Variants in EIF3L observed in about 807,000 individuals in gnomAD.
The protein encoded by EIF3L is eukaryotic translation initiation factor 3 subunit L, also known as eIEF associated protein HSPC021.
In EIF3L, 32 loss-of-function variants were observed where a neutral mutation model predicts 74.6. That is an observed-to-expected ratio of 0.43 (90% CI 0.32 to 0.58). The LOEUF (loss-of-function observed/expected upper bound fraction) is 0.58, where lower values mean the gene tolerates loss of function less well. EIF3L is among the 20% of genes least tolerant of loss of function. The pLI is 0.06. For missense variants in EIF3L, 474 were observed against 707.8 expected, an observed-to-expected ratio of 0.67 and a Z score of 3.75; for synonymous variants, 256 against 254.4, an observed-to-expected ratio of 1.01 and a Z score of -0.06.
intron 8 of EIF3L, among the ~76,000 whole-genome samples, chr22:37,871,575 A>G (rs1053837829): frequency 6.6e-6 from 1 of 152,214 alleles, no homozygotes; most frequent in Non-Finnish European, 1.5e-5. Context: ...TATCCTTAAG[A>G]TACTCATTAG....
chr22:37,868,427 T>C (rs1926282087), intron 7 of EIF3L, among the ~76,000 whole-genome samples: 1 of 151,240 alleles, frequency 6.6e-6, no homozygotes, highest in African/African-American at 2.4e-5. Context: ...GCACCCAGCC[T>C]GAGAATTCTT....
chr22:37,860,744 C>T (rs1483967938), intron 5 of EIF3L, among the ~76,000 whole-genome samples: 1 of 152,174 alleles, frequency 6.6e-6, no homozygotes, highest in Non-Finnish European at 1.5e-5. Context: ...TCATTATCAT[C>T]TCTTCCCTGA....
chr22:37,867,798 C>A (rs1242792849), intron 7 of EIF3L, among the ~76,000 whole-genome samples: 1 of 150,916 alleles, frequency 6.6e-6, no homozygotes, highest in African/African-American at 2.4e-5. Flanking sequence ...ACTAAAAATA[C>A]AAAAAAATTT....
At chr22:37,859,264 G>C (rs1019606667) in intron 5 of EIF3L, among the ~76,000 whole-genome samples, 32 of 150,792 alleles carry the variant, frequency 2.1e-4, no homozygotes, top group African/African-American at 7.3e-4. Context: ...AAAACTCCTT[G>C]AATCTAGACC....
chr22:37,888,316 T>C, intron 12 of EIF3L, 110 bp from the exon 13 acceptor site: 1 of 1,186,764 alleles, frequency 8.4e-7, no homozygotes, highest in Non-Finnish European at 1.2e-6. Context: ...AGAAACTTCC[T>C]TTCTTGGCTT....
chr22:37,880,967 T>C (rs547688092), intron 11 of EIF3L: 1 of 152,378 alleles, frequency 6.6e-6, no homozygotes, highest in South Asian at 2.1e-4. Context: ...GCATCTGCTG[T>C]TGTTATTGTA....
chr22:37,859,596 A>G lies in EIF3L; in HGVS notation c.435+856A>G, dbSNP rs547422017. On this transcript the variant is annotated intron_variant, in intron 5 of 12. Transcript: ENST00000652021. ...ACGGGGTTTCACTGTGTTAGCCAGG[A>G]TGGTCTCCATCTCCTGACCTCGTGT... Among the ~76,000 whole-genome samples, 5 of 151,502 alleles carry G rather than the reference A, an allele frequency of 3.3e-5. No individual in the cohort carries two copies. The South Asian group carries it at 1.0e-3, about 32-fold the overall frequency.
At position 37,851,310 on chromosome 22, in the gene EIF3L, G is replaced by A. The variant is rs756749787; in HGVS notation, c.113G>A (p.Arg38His). 2.2e-5 allele frequency: 36 copies of A among 1,614,000 alleles called. No homozygotes were observed. The highest frequency in any genetic ancestry group is 1.1e-4 in the African/African-American group (8 of 74,910). Reference sequence around the variant, plus strand: ...CCAAAGCAGGACCTTGCTTATGAACGTCAGTATGAACAGCAAACCTATCAG... The same window carrying A: ...CCAAAGCAGGACCTTGCTTATGAACATCAGTATGAACAGCAAACCTATCAG... ...GDPKQDLAYE[R>H]QYEQQTYQVI... Residue 38 changes from arginine to histidine, a missense_variant, in exon 3 of 13, where the codon CGT (arginine) becomes CAT (histidine). By Grantham distance (29) the Arg-to-His change is conservative. Coordinates refer to ENST00000652021, the MANE Select transcript of EIF3L (RefSeq NM_016091.4).
chr22:37,852,176 T>A (rs1272818338), intron 3 of EIF3L, among the ~76,000 whole-genome samples: 1 of 152,160 alleles, frequency 6.6e-6, no homozygotes, highest in Non-Finnish European at 1.5e-5. Flanking sequence ...ATAATAATAA[T>A]GATTAGCATT....
intron 4 of EIF3L, 84 bp from the exon 5 acceptor site, chr22:37,858,595 T>C (rs1925669147): frequency 3.2e-6 from 4 of 1,239,246 alleles, no homozygotes; most frequent in Admixed American, 2.0e-5. Context: ...AGAATTACCT[T>C]TATTCCTCCC....
chr22:37,861,813 A>T (rs1045207567), intron 5 of EIF3L, among the ~76,000 whole-genome samples: 6 of 152,210 alleles, frequency 3.9e-5, no homozygotes, highest in Admixed American at 2.0e-4. Context: ...CATAGCCCAT[A>T]GTATAGCTGG....
rs566617472 is a variant in EIF3L at position 37,858,162 on chromosome 22, C to T, written c.374-517C>T. Among the ~76,000 whole-genome samples, 5 of 150,536 alleles carry T rather than the reference C, an allele frequency of 3.3e-5. No homozygotes were observed. The East Asian group carries it at 5.9e-4, about 18-fold the overall frequency. On this transcript the variant is annotated intron_variant, in intron 4 of 12. Coordinates refer to ENST00000652021, the MANE Select transcript of EIF3L (RefSeq NM_016091.4). ...CTGCACTCCAACCTTGGCAACAGAGCGAGACCCTGTCTTCAAACAAACAAA... is the reference window on the plus strand; with the variant it reads ...CTGCACTCCAACCTTGGCAACAGAGTGAGACCCTGTCTTCAAACAAACAAA...
intron 1 of EIF3L, 135 bp from the exon 2 acceptor site, chr22:37,849,880 G>C (rs1925077435): frequency 1.1e-6 from 1 of 894,438 alleles, no homozygotes. Context: ...TAAGGCGTGT[G>C]AGTTCCTCAA....
intron 4 of EIF3L, among the ~76,000 whole-genome samples, chr22:37,857,618 C>T (rs994694293): frequency 5.3e-5 from 8 of 151,450 alleles, no homozygotes; most frequent in Non-Finnish European, 8.8e-5. Flanking sequence ...GATCTCTGCT[C>T]GCTGCAACCT....
chr22:37,855,759 G>A, intron 4 of EIF3L, 115 bp downstream of exon 4: 3 of 851,562 alleles, frequency 3.5e-6, no homozygotes, highest in Non-Finnish European at 5.5e-6. Context: ...TTTCCTTGGT[G>A]CTTGGTATGT....
rs144428924 is a variant in EIF3L, at chr22:37,852,099, C to T, written c.293+609C>T. Among the ~76,000 whole-genome samples, 939 of 152,154 alleles carry T rather than the reference C, an allele frequency of 6.2e-3. 13 individuals carry two copies. The highest frequency in any genetic ancestry group is 0.021 in the African/African-American group (887 of 41,522). On this transcript the variant is annotated intron_variant, in intron 3 of 12. Transcript: ENST00000652021. ...GATTACAAGCGTGAGCCACCATGCC[C>T]GGCCTGTTGGACTTTATATCCTCAG...
chr22:37,850,812 A>C (rs899519946), intron 2 of EIF3L, among the ~76,000 whole-genome samples: 3 of 152,254 alleles, frequency 2.0e-5, no homozygotes, highest in African/African-American at 7.2e-5. Flanking sequence ...TCCTTACAGC[A>C]GTTCTGTATG....
In EIF3L at chr22:37,874,378, G is replaced by C. The variant is rs1926635184; in HGVS notation, c.760G>C (p.Glu254Gln). The change falls in exon 9 of 13, where the codon GAG becomes CAG. Residue 254 changes from glutamate to glutamine, a missense_variant. Physicochemically the swap from Glu to Gln is conservative, Grantham distance 29. Coordinates refer to ENST00000652021, the MANE Select transcript of EIF3L (RefSeq NM_016091.4). ...LEVYTSGGDP[E>Q]SVAGEYGRHS... ...GTGTCTGTCTCTTTCAGGTGACCCT[G>C]AGAGTGTGGCTGGGGAGTATGGGCG... 1 of 1,614,016 alleles carries C rather than the reference G, an allele frequency of 6.2e-7. No homozygotes were observed. The highest frequency in any genetic ancestry group is 8.5e-7 in the Non-Finnish European group (1 of 1,179,958).
At chr22:37,854,884 C>T (rs913543121) in intron 3 of EIF3L, among the ~76,000 whole-genome samples, 3 of 151,996 alleles carry the variant, frequency 2.0e-5, no homozygotes, top group Non-Finnish European at 4.4e-5. Flanking sequence ...CAAGCGATAC[C>T]CCTATCTTGT....
Sources: gnomAD v4.1 joint callset for allele counts (sites outside exome capture counted in the v4.1 genomes callset) on GRCh38, gnomAD v4.1.1 for gene constraint, MANE v1.5 for transcripts, NCBI Gene and HGNC (gene_info 2026-07-23, HGNC 2026-07-21) for gene names.